KAZN: variants seen among roughly 807,000 people sequenced by gnomAD.
KAZN encodes the protein kazrin, periplakin interacting protein, also known as kazrin.
Under a neutral mutation model 87.4 loss-of-function variants are expected in KAZN, and 40 were observed. That is an observed-to-expected ratio of 0.46 (90% CI 0.36 to 0.60). KAZN has a LOEUF of 0.60. Ranked by LOEUF, KAZN falls within the 20% of genes least tolerant of loss-of-function variation. KAZN has a pLI of 0.00. For synonymous variants in KAZN, 466 were observed against 458.3 expected, an observed-to-expected ratio of 1.02 and a Z score of -0.22; for missense variants, 898 against 1,073.9, an observed-to-expected ratio of 0.84 and a Z score of 2.29.
At chr1:14,784,310 T>C (rs1486092709) in intron 1 of KAZN, among the ~76,000 whole-genome samples, 3 of 152,198 alleles carry the variant, frequency 2.0e-5, no homozygotes, top group Non-Finnish European at 4.4e-5. Flanking sequence ...TGGCAACGCC[T>C]AGATGAGTGC....
In KAZN at chr1:15,046,821, C is replaced by T. The variant is rs72639850; in HGVS notation, c.726+2662C>T. On this transcript the variant is annotated intron_variant, in intron 4 of 14. Transcript: ENST00000376030. Reference sequence around the variant, plus strand: ...GATAATACTGGAGGCCCTGCTGCTGCGTGCAGCCCAGAAAGAAACCTTTGA... The same window carrying T: ...GATAATACTGGAGGCCCTGCTGCTGTGTGCAGCCCAGAAAGAAACCTTTGA... 7.6e-3 allele frequency among the ~76,000 whole-genome samples: 1,157 copies of T among 152,334 alleles called. 25 individuals carry two copies. In the East Asian group the frequency reaches 0.076, roughly 10 times the overall value.
In KAZN at chr1:14,887,883, T is replaced by C. The variant is rs1654265422; in HGVS notation, c.227-72801T>C. On this transcript the variant is annotated intron_variant, in intron 1 of 14. Transcript: ENST00000376030. Reference sequence around the variant, plus strand: ...TCATGCCCCCCTCTCTCTCTCGTTATGTTTCATTGTGGTGTGTTTGCTGTG... The same window carrying C: ...TCATGCCCCCCTCTCTCTCTCGTTACGTTTCATTGTGGTGTGTTTGCTGTG... Among the ~76,000 whole-genome samples, 2 of 152,294 alleles carry C rather than the reference T, an allele frequency of 1.3e-5. 1 individual carries two copies. The highest frequency in any genetic ancestry group is 4.2e-4 in the South Asian group (2 of 4,800).
chr1:14,356,190 C>CT (rs1353182986), intron 2 of KAZN, among the ~76,000 whole-genome samples: 1 of 152,176 alleles, frequency 6.6e-6, no homozygotes, highest in Admixed American at 6.5e-5. Context: ...TGATGACGAG[C>CT]TTTTTTTCAT....
intron 1 of KAZN, among the ~76,000 whole-genome samples, chr1:14,127,833 G>A (rs567921132): frequency 6.6e-5 from 10 of 152,284 alleles, no homozygotes; most frequent in Non-Finnish European, 1.3e-4. Context: ...GCAGAGAGGA[G>A]ACGTGGGCAC....
chr1:14,756,916 G>A (rs993851644), intron 1 of KAZN, among the ~76,000 whole-genome samples: 1 of 152,196 alleles, frequency 6.6e-6, no homozygotes, highest in Non-Finnish European at 1.5e-5. Context: ...AGAAGGTAAC[G>A]GAGAGGCTCG....
chr1:14,604,742 G>A (rs1677231214), intron 1 of KAZN, among the ~76,000 whole-genome samples: 1 of 152,214 alleles, frequency 6.6e-6, no homozygotes, highest in South Asian at 2.1e-4. Context: ...AGACCCTTGG[G>A]TCAGGCTTCT....
At chr1:14,973,884 T>A (rs984257392) in intron 2 of KAZN, among the ~76,000 whole-genome samples, 7 of 152,002 alleles carry the variant, frequency 4.6e-5, no homozygotes, top group African/African-American at 1.7e-4. Context: ...TGCCTGTAAA[T>A]CTTAGTGGCA....
At chr1:14,110,374 G>T (rs1163429707) in intron 1 of KAZN, among the ~76,000 whole-genome samples, 1 of 152,196 alleles carries the variant, frequency 6.6e-6, no homozygotes, top group Admixed American at 6.5e-5. Context: ...ATGCAATTTT[G>T]TATAACTCTC....
intron 1 of KAZN, among the ~76,000 whole-genome samples, chr1:14,175,378 C>T (rs1437817829): frequency 6.6e-6 from 1 of 152,238 alleles, no homozygotes. Flanking sequence ...GCTGGGATTT[C>T]AGGCGTGAGC....
intron 1 of KAZN, among the ~76,000 whole-genome samples, chr1:14,783,774 C>T (rs1645423409): frequency 2.0e-5 from 3 of 152,084 alleles, no homozygotes; most frequent in Non-Finnish European, 2.9e-5. Flanking sequence ...AGAGGGGCTC[C>T]TGGAAGACAG....
intron 1 of KAZN, among the ~76,000 whole-genome samples, chr1:14,068,433 A>T (rs1341459326): frequency 2.0e-5 from 3 of 152,180 alleles, no homozygotes; most frequent in African/African-American, 7.2e-5. Flanking sequence ...GGGCACTTTT[A>T]AAAATATAGA....
At chr1:14,515,806 T>C (rs114006794) in intron 2 of KAZN, among the ~76,000 whole-genome samples, 2,304 of 152,208 alleles carry the variant, frequency 0.015, 56 homozygotes, top group African/African-American at 0.052. Context: ...CTTGGTTTTC[T>C]TCATGGCTCA....
At chr1:13,973,800 G>A (rs1280292953) in intron 1 of KAZN, among the ~76,000 whole-genome samples, 1 of 152,208 alleles carries the variant, frequency 6.6e-6, no homozygotes, top group East Asian at 1.9e-4. Context: ...CAAATGGGCT[G>A]TGTGATCTCC....
intron 1 of KAZN, among the ~76,000 whole-genome samples, chr1:14,176,525 C>T (rs762206705): frequency 6.6e-6 from 1 of 152,158 alleles, no homozygotes; most frequent in Non-Finnish European, 1.5e-5. Flanking sequence ...TAACCCTCTG[C>T]AGTGGAGAAC....
intron 1 of KAZN, among the ~76,000 whole-genome samples, chr1:14,049,429 C>T (rs1642216270): frequency 6.6e-6 from 1 of 152,206 alleles, no homozygotes; most frequent in Non-Finnish European, 1.5e-5. Flanking sequence ...AACTAACCTG[C>T]ACGTTGTGCA....
intron 13 of KAZN, among the ~76,000 whole-genome samples, chr1:15,111,570 G>A (rs1366127942): frequency 6.6e-6 from 1 of 152,216 alleles, no homozygotes; most frequent in East Asian, 1.9e-4. Flanking sequence ...GAGCCACCAT[G>A]CCCGGCCTAG....
At chr1:14,313,776 C>G (rs1057142417) in intron 2 of KAZN, among the ~76,000 whole-genome samples, 3 of 152,030 alleles carry the variant, frequency 2.0e-5, no homozygotes, top group Admixed American at 6.6e-5. Flanking sequence ...TTTTCAAAAT[C>G]TAATTTAATT....
chr1:13,986,231 A>C (rs1639007711), intron 1 of KAZN, among the ~76,000 whole-genome samples: 1 of 152,258 alleles, frequency 6.6e-6, no homozygotes, highest in African/African-American at 2.4e-5. Context: ...TAAGATGATA[A>C]AACTGTAAAT....
chr1:14,220,122 C>G (rs1380216779), intron 2 of KAZN, among the ~76,000 whole-genome samples: 3 of 152,146 alleles, frequency 2.0e-5, no homozygotes, highest in African/African-American at 7.2e-5. Context: ...TTTGGTCATG[C>G]CTTCTGTGCT....
Sources: allele counts gnomAD v4.1 joint callset (sites outside exome capture counted in the v4.1 genomes callset), GRCh38; gene constraint gnomAD v4.1.1; transcripts MANE v1.5; gene names NCBI Gene and HGNC (gene_info 2026-07-23, HGNC 2026-07-21).